ADD1: variants seen among roughly 807,000 people sequenced by gnomAD.
The protein encoded by ADD1 is alpha-adducin.
ADD1 carries 24 observed loss-of-function variants against 80.5 expected under a neutral mutation model. The observed-to-expected ratio is 0.30, with a 90% CI of 0.22 to 0.42. The LOEUF is 0.42. Among genes scored for constraint, ADD1 ranks in the 10% least tolerant of loss-of-function variants. The pLI, the probability that ADD1 is intolerant of heterozygous loss-of-function variation, is 1.00. For missense variants in ADD1, 948 were observed against 1,019.0 expected (o/e 0.93, Z 0.95); for synonymous variants, 373 against 393.8 (o/e 0.95, Z 0.63).
At chr4:2,850,573 C>T (rs1262893341) in intron 1 of ADD1, among the ~76,000 whole-genome samples, 1 of 152,106 alleles carries the variant, frequency 6.6e-6, no homozygotes, top group African/African-American at 2.4e-5. Context: ...CTACAGGCGC[C>T]TGCCACCATG....
chr4:2,844,484 A>G (rs1053766497), intron 1 of ADD1: 8 of 152,336 alleles, frequency 5.3e-5, no homozygotes, highest in African/African-American at 9.6e-5. Context: ...GAGAAAAGCC[A>G]TATCTGCCGA....
At chr4:2,914,083 T>C (rs900907616) in intron 13 of ADD1, among the ~76,000 whole-genome samples, 69 of 145,328 alleles carry the variant, frequency 4.7e-4, no homozygotes, top group African/African-American at 1.7e-3. Context: ...AGAAGTGAGC[T>C]CCAGGGAATT....
At chr4:2,865,683 C>T (rs938875900) in intron 1 of ADD1, among the ~76,000 whole-genome samples, 5 of 152,148 alleles carry the variant, frequency 3.3e-5, no homozygotes, top group African/African-American at 1.2e-4. Flanking sequence ...TCCCTACCTT[C>T]CCCCTGCTCC....
intron 4 of ADD1, among the ~76,000 whole-genome samples, chr4:2,891,694 C>G (rs1017541004): frequency 6.6e-6 from 1 of 152,108 alleles, no homozygotes; most frequent in African/African-American, 2.4e-5. Flanking sequence ...CCCACTTAGT[C>G]ATGAGGAAAA....
At chr4:2,888,922 CAT>C (rs974022275) in intron 4 of ADD1, among the ~76,000 whole-genome samples, 3 of 151,550 alleles carry the variant, frequency 2.0e-5, no homozygotes, top group Non-Finnish European at 2.9e-5. Context: ...GAAATATGTA[CAT>C]ATATATATGG....
intron 1 of ADD1, among the ~76,000 whole-genome samples, chr4:2,848,205 T>C (rs1726540040): frequency 6.8e-6 from 1 of 146,548 alleles, no homozygotes. Flanking sequence ...AGAGTGAGAC[T>C]CCGTCTCAAA....
chr4:2,851,003 A>G (rs1036899903), intron 1 of ADD1, among the ~76,000 whole-genome samples: 3 of 152,182 alleles, frequency 2.0e-5, no homozygotes, highest in African/African-American at 7.2e-5. Flanking sequence ...AAAATGTTAT[A>G]ACGTTAGATT....
intron 13 of ADD1, among the ~76,000 whole-genome samples, chr4:2,911,685 A>G (rs1738088027): frequency 1.3e-5 from 2 of 151,968 alleles, no homozygotes; most frequent in South Asian, 4.2e-4. Context: ...CAAACTCCTG[A>G]GCTCAAGCAG....
chr4:2,880,090 CCAT>C (rs1344442579), intron 2 of ADD1, among the ~76,000 whole-genome samples: 2 of 152,126 alleles, frequency 1.3e-5, no homozygotes, highest in Non-Finnish European at 2.9e-5. Context: ...TAAATAATCA[CCAT>C]GTTTTGTTTT....
intron 13 of ADD1, among the ~76,000 whole-genome samples, chr4:2,913,412 G>A (rs550724646): frequency 4.1e-4 from 62 of 152,290 alleles, no homozygotes; most frequent in Non-Finnish European, 7.9e-4. Flanking sequence ...GGGCCACAGC[G>A]CTAAGACATG....
At chr4:2,889,634 C>A (rs919754221) in intron 4 of ADD1, among the ~76,000 whole-genome samples, 5 of 151,786 alleles carry the variant, frequency 3.3e-5, no homozygotes, top group African/African-American at 1.2e-4. Flanking sequence ...CCAGCCTGAC[C>A]AACATGATGA....
chr4:2,860,072 C>T (rs1728635971), intron 1 of ADD1, among the ~76,000 whole-genome samples: 1 of 152,044 alleles, frequency 6.6e-6, no homozygotes, highest in Admixed American at 6.5e-5. Context: ...TCAACCTGTG[C>T]TTCCTGACTT....
At chr4:2,874,174 C>T (rs921406438) in intron 1 of ADD1, among the ~76,000 whole-genome samples, 1 of 152,164 alleles carries the variant, frequency 6.6e-6, no homozygotes, top group African/African-American at 2.4e-5. Context: ...TATGATTGCA[C>T]CACTGCATTC....
At chr4:2,876,763 C>T (rs567182399) in intron 2 of ADD1, among the ~76,000 whole-genome samples, 145 of 151,638 alleles carry the variant, frequency 9.6e-4, no homozygotes, top group African/African-American at 3.3e-3. Context: ...GGCGTGAACC[C>T]GGGAGGCGGA....
intron 1 of ADD1, chr4:2,868,151 G>A (rs1409501916): frequency 6.6e-6 from 1 of 152,254 alleles, no homozygotes; most frequent in Non-Finnish European, 1.5e-5. Flanking sequence ...CTTTTAGGGT[G>A]GTGGAGAACT....
chr4:2,868,932 G>C (rs1729983909), intron 1 of ADD1, among the ~76,000 whole-genome samples: 1 of 152,092 alleles, frequency 6.6e-6, no homozygotes, highest in African/African-American at 2.4e-5. Flanking sequence ...AGTTAAATTA[G>C]GTCATTAAAA....
rs555199385 is a variant in ADD1 at position 2,863,180 on chromosome 4, G to T, written c.-20-12716G>T. ...CTCACCTCAGACTCCTAAGTAGCTG[G>T]GACTACAGGTGCATGCCACCACGCC... On this transcript the variant is annotated intron_variant, in intron 1 of 15. Coordinates refer to ENST00000683351, the MANE Select transcript of ADD1 (RefSeq NM_001354761.2). Among the ~76,000 whole-genome samples the T allele has an allele frequency of 6.6e-5, 10 of 151,626 alleles. 1 individual carries two copies. The South Asian group carries it at 2.1e-3, about 32-fold the overall frequency.
chr4:2,885,801 G>C (rs533210337), intron 4 of ADD1, among the ~76,000 whole-genome samples: 1 of 151,786 alleles, frequency 6.6e-6, no homozygotes, highest in African/African-American at 2.4e-5. Context: ...TAGTAGAGAC[G>C]GGGTTTCACC....
At chr4:2,914,069 A>AAAAG (rs1181479460) in intron 13 of ADD1, among the ~76,000 whole-genome samples, 1 of 151,774 alleles carries the variant, frequency 6.6e-6, no homozygotes, top group African/African-American at 2.4e-5. Context: ...AAAAAAAAAA[A>AAAAG]AAAAGAAGTG....
Sources: gnomAD v4.1 joint callset for allele counts (sites outside exome capture counted in the v4.1 genomes callset) on GRCh38, gnomAD v4.1.1 for gene constraint, MANE v1.5 for transcripts, NCBI Gene and HGNC (gene_info 2026-07-23, HGNC 2026-07-21) for gene names.